The following STK32B variants were observed in gnomAD, a reference collection of about 807,000 sequenced individuals.
The protein encoded by STK32B is serine/threonine kinase 32B.
STK32B carries 43 observed loss-of-function variants against 52.6 expected under a neutral mutation model. That is an observed-to-expected ratio of 0.82 (90% confidence interval 0.64 to 1.05). The LOEUF is 1.05. STK32B is among the 50% of genes least tolerant of loss of function. STK32B has a pLI of 0.00. For synonymous variants in STK32B, 238 were observed against 204.3 expected (o/e 1.17, Z -1.41); for missense variants, 621 against 534.6 (o/e 1.16, Z -1.59).
intron 3 of STK32B, among the ~76,000 whole-genome samples, chr4:5,288,067 G>A (rs1297686382): frequency 2.6e-5 from 4 of 152,132 alleles, no homozygotes; most frequent in East Asian, 3.9e-4. Context: ...ATTCACCCAT[G>A]TTATAGCATG....
chr4:5,499,559 G>A lies in STK32B; in HGVS notation c.*476G>A, dbSNP rs1412134719. ...AGCCCTGACAGCAAAATAAAGGTCTGATATGTTGGCCCCTTCTATGGAAAC... is the reference window on the plus strand; with the variant it reads ...AGCCCTGACAGCAAAATAAAGGTCTAATATGTTGGCCCCTTCTATGGAAAC... On this transcript the variant is annotated 3_prime_UTR_variant, in exon 12 of 12. Transcript: ENST00000282908. 6.5e-6 allele frequency: 1 copy of A among 153,278 alleles called. No homozygotes were observed. Among genetic ancestry groups the A allele is most frequent in the Non-Finnish European group, 1.5e-5 (1 of 68,832 alleles). The allele number at this position is 153,278 out of a possible 1,614,324, so 9.5% of individuals were successfully genotyped here.
At chr4:5,414,285 C>G (rs1023777304) in intron 5 of STK32B, among the ~76,000 whole-genome samples, 80 of 151,758 alleles carry the variant, frequency 5.3e-4, no homozygotes, top group Non-Finnish European at 8.5e-4. Flanking sequence ...ACGTGTTTAA[C>G]ACAATATGTA....
chr4:5,088,200 A>G (rs1712843461), intron 1 of STK32B, among the ~76,000 whole-genome samples: 1 of 152,164 alleles, frequency 6.6e-6, no homozygotes, highest in African/African-American at 2.4e-5. Context: ...AACCAAAACT[A>G]GAAAATAGTT....
intron 3 of STK32B, among the ~76,000 whole-genome samples, chr4:5,248,054 A>C (rs1437063669): frequency 6.6e-6 from 1 of 152,180 alleles, no homozygotes; most frequent in African/African-American, 2.4e-5. Context: ...CCGCAGCTAC[A>C]GGTGTGTTTA....
intron 6 of STK32B, among the ~76,000 whole-genome samples, chr4:5,425,874 T>C (rs7442088): frequency 0.012 from 1,819 of 152,296 alleles, 32 homozygotes; most frequent in African/African-American, 0.04. Flanking sequence ...AATGAGATCA[T>C]ATTGTATACA....
In STK32B at chr4:5,176,308, C is replaced by G. The variant is rs188482298; in HGVS notation, c.260+7858C>G. Among the ~76,000 whole-genome samples, 61 of 152,282 alleles carry G rather than the reference C, an allele frequency of 4.0e-4. 1 individual carries two copies. The highest frequency in any genetic ancestry group is 1.9e-3 in the Admixed American group (29 of 15,302). ...CGCATGGTGTGCTGCACCCACTGTT[C>G]TGCACCCACTGTCCGGCACTCCCCA... is the stretch of plus-strand genomic sequence containing the variant. On this transcript the variant is annotated intron_variant, in intron 3 of 11. Transcript: ENST00000282908.
At chr4:5,365,830 A>G (rs6850623) in intron 4 of STK32B, among the ~76,000 whole-genome samples, 8,146 of 152,230 alleles carry the variant, frequency 0.054, 345 homozygotes, top group African/African-American at 0.11. Flanking sequence ...GCGAGCGTGC[A>G]TGTGTTTGCA....
intron 4 of STK32B, among the ~76,000 whole-genome samples, chr4:5,340,554 G>T (rs1228766914): frequency 1.3e-5 from 2 of 152,164 alleles, no homozygotes; most frequent in Non-Finnish European, 2.9e-5. Context: ...GAGTGACATG[G>T]TCTAACTTGT....
rs1274566028 is a variant in STK32B at position 5,437,452 on chromosome 4, T to G, written c.563-9221T>G. Among the ~76,000 whole-genome samples, 3 of 152,378 alleles carry G rather than the reference T, an allele frequency of 2.0e-5. No individual in the cohort carries two copies. In the East Asian group the frequency reaches 5.8e-4, roughly 29 times the overall value. ...TGCCTTTGTCTTCACATGGCCGTCT[T>G]CTCTGTGTCTCAGATCTTTCCTTTC... On this transcript the variant is annotated intron_variant, in intron 6 of 11. Coordinates refer to ENST00000282908, the MANE Select transcript of STK32B (RefSeq NM_018401.3).
rs564966857 is a variant in STK32B, at chr4:5,287,443, T to G, written c.261-43777T>G. 1.5e-4 allele frequency among the ~76,000 whole-genome samples: 23 copies of G among 152,204 alleles called. No homozygotes were observed. In the South Asian group the frequency reaches 3.9e-3, roughly 26 times the overall value. Reference sequence around the variant, plus strand: ...TTTAAAAGAAACTCTTCAAGCCTTTTGCCCATTTTTTTCAGTTTAAGTCGA... The same window carrying G: ...TTTAAAAGAAACTCTTCAAGCCTTTGGCCCATTTTTTTCAGTTTAAGTCGA... On this transcript the variant is annotated intron_variant, in intron 3 of 11. Transcript: ENST00000282908.
At chr4:5,305,065 A>T (rs28878481) in intron 3 of STK32B, among the ~76,000 whole-genome samples, 17,888 of 151,818 alleles carry the variant, frequency 0.12, 2,602 homozygotes, top group African/African-American at 0.35. Flanking sequence ...ATTATTTTTT[A>T]GATATGCTGT....
At chr4:5,159,519 TATATG>T (rs1265538606) in intron 2 of STK32B, among the ~76,000 whole-genome samples, 16 of 139,778 alleles carry the variant, frequency 1.1e-4, no homozygotes, top group East Asian at 1.0e-3. Flanking sequence ...TATATATGAA[TATATG>T]ATATATATGT....
At chr4:5,379,388 G>A (rs553599322) in intron 4 of STK32B, among the ~76,000 whole-genome samples, 26 of 152,108 alleles carry the variant, frequency 1.7e-4, no homozygotes, top group African/African-American at 4.6e-4. Flanking sequence ...AGCTCCTCCC[G>A]GGCTCTCTAT....
At chr4:5,258,370 C>A (rs774751346) in intron 3 of STK32B, among the ~76,000 whole-genome samples, 1 of 152,100 alleles carries the variant, frequency 6.6e-6, no homozygotes, top group Non-Finnish European at 1.5e-5. Flanking sequence ...AATGTCTGAA[C>A]ATAATTTGAA....
intron 4 of STK32B, among the ~76,000 whole-genome samples, chr4:5,336,283 G>T (rs1307458539): frequency 2.0e-5 from 3 of 151,762 alleles, no homozygotes; most frequent in African/African-American, 7.3e-5. Context: ...GAAAGAGATT[G>T]TGCCATCAAA....
chr4:5,476,783 A>T (rs1423041468), intron 11 of STK32B, among the ~76,000 whole-genome samples: 1 of 151,216 alleles, frequency 6.6e-6, no homozygotes, highest in African/African-American at 2.4e-5. Context: ...AGAAGTATTC[A>T]ATTTATGAAG....
intron 3 of STK32B, among the ~76,000 whole-genome samples, chr4:5,257,666 C>T (rs527535647): frequency 6.6e-6 from 1 of 152,332 alleles, no homozygotes; most frequent in South Asian, 2.1e-4. Context: ...GGGGGCTGGG[C>T]ATGGTGGCTC....
chr4:5,454,331 T>C (rs912342599), intron 7 of STK32B, among the ~76,000 whole-genome samples: 5 of 152,114 alleles, frequency 3.3e-5, no homozygotes, highest in Non-Finnish European at 7.3e-5. Context: ...AAGTCTGAGA[T>C]GAAGTGGTTG....
chr4:5,155,110 C>T (rs189075128), intron 2 of STK32B, among the ~76,000 whole-genome samples: 7 of 152,314 alleles, frequency 4.6e-5, no homozygotes, highest in Admixed American at 3.9e-4. Context: ...TTCACACTTG[C>T]TCTTCTCTCC....
Sources: gnomAD v4.1 joint callset for allele counts (sites outside exome capture counted in the v4.1 genomes callset) on GRCh38, gnomAD v4.1.1 for gene constraint, MANE v1.5 for transcripts, NCBI Gene and HGNC (gene_info 2026-07-23, HGNC 2026-07-21) for gene names.